The following NDE1 variants were observed in gnomAD, a reference collection of about 807,000 sequenced individuals.
NDE1 encodes nudE neurodevelopment protein 1.
Under a neutral mutation model 43.4 loss-of-function variants are expected in NDE1, and 28 were observed. That is an observed-to-expected ratio of 0.65 (90% CI 0.48 to 0.89). The LOEUF is 0.89. Among genes scored for constraint, NDE1 ranks in the 40% least tolerant of loss-of-function variants. NDE1 has a pLI of 0.00. For synonymous variants in NDE1, 184 were observed against 172.0 expected (o/e 1.07, Z -0.55); for missense variants, 441 against 434.1 (o/e 1.02, Z -0.14).
chr16:15,685,672 C>A (rs1489718951), intron 4 of NDE1, among the ~76,000 whole-genome samples: 1 of 152,108 alleles, frequency 6.6e-6, no homozygotes, highest in East Asian at 1.9e-4. Flanking sequence ...AATAAATGAA[C>A]TGATGCAGCC....
At chr16:15,678,901 C>G (rs1324401614) in intron 4 of NDE1, among the ~76,000 whole-genome samples, 2 of 151,898 alleles carry the variant, frequency 1.3e-5, no homozygotes, top group African/African-American at 2.4e-5. Flanking sequence ...ATGGTGAAAA[C>G]CCGTCTCTAC....
intron 3 of NDE1, among the ~76,000 whole-genome samples, chr16:15,672,180 A>G (rs1490518335): frequency 6.6e-6 from 1 of 151,962 alleles, no homozygotes; most frequent in Admixed American, 6.6e-5. Flanking sequence ...GATGCCTGTA[A>G]TGCCAGCACT....
rs371591343 is a variant in NDE1 at position 15,715,215 on chromosome 16, G to C, written c.948-8976G>C. 2.5e-6 allele frequency: 4 copies of C among 1,614,154 alleles called. No homozygotes were observed. In the African/African-American group the frequency reaches 4.0e-5, roughly 16 times the overall value. ...TGCGCTCGTCCTCCACCTGCAGCAAGATTTCCTTCAGCTTCTTGTCTTTCT... is the reference window on the plus strand; with the variant it reads ...TGCGCTCGTCCTCCACCTGCAGCAACATTTCCTTCAGCTTCTTGTCTTTCT... On this transcript the variant is annotated intron_variant, in intron 8 of 8. Transcript: ENST00000396354.
At chr16:15,691,943 G>GT (rs2038775411) in intron 6 of NDE1, among the ~76,000 whole-genome samples, 1 of 151,878 alleles carries the variant, frequency 6.6e-6, no homozygotes, top group South Asian at 2.1e-4. Flanking sequence ...AAATCCTCTT[G>GT]TTGAATATAA....
chr16:15,718,954 C>A (rs1054093965), intron 8 of NDE1: 11 of 476,254 alleles, frequency 2.3e-5, no homozygotes, highest in African/African-American at 3.9e-5. Flanking sequence ...ATGGTGAAAC[C>A]CCACCTCTAC....
chr16:15,721,368 A>T, intron 8 of NDE1: 11 of 1,574,430 alleles, frequency 7.0e-6, no homozygotes, highest in Non-Finnish European at 7.9e-6. Context: ...GGTGAATAGC[A>T]CAGAGGGTGG....
intron 4 of NDE1, chr16:15,686,542 A>G (rs374977475): frequency 3.0e-5 from 30 of 985,132 alleles, no homozygotes; most frequent in African/African-American, 5.2e-5. Context: ...GCCTGGCACA[A>G]TGCCTCATGC....
chr16:15,703,355 T>C (rs529489036), intron 8 of NDE1: 243 of 234,256 alleles, frequency 1.0e-3, no homozygotes, highest in African/African-American at 5.1e-3. Flanking sequence ...GGTTTGCAGG[T>C]TAGGGAATGA....
At chr16:15,694,931 G>C in intron 7 of NDE1, 2 of 981,358 alleles carry the variant, frequency 2.0e-6, no homozygotes, top group Non-Finnish European at 2.4e-6. Flanking sequence ...CAGTGCTTTG[G>C]GAGGCCAAGG....
At chr16:15,707,786 A>C (rs1279293525) in intron 8 of NDE1, among the ~76,000 whole-genome samples, 1 of 152,190 alleles carries the variant, frequency 6.6e-6, no homozygotes, top group Non-Finnish European at 1.5e-5. Flanking sequence ...AGCCTGGCCA[A>C]CATGGTGATA....
At chr16:15,693,865 G>A (rs1441480799) in intron 6 of NDE1, among the ~76,000 whole-genome samples, 1 of 152,144 alleles carries the variant, frequency 6.6e-6, no homozygotes, top group Non-Finnish European at 1.5e-5. Context: ...GCTTGAACCT[G>A]GGAGGCGGAG....
chr16:15,704,347 T>C (rs750533405), intron 8 of NDE1, among the ~76,000 whole-genome samples: 6 of 152,122 alleles, frequency 3.9e-5, no homozygotes, highest in Non-Finnish European at 7.3e-5. Context: ...TCAGCTGAAA[T>C]TGGTTGCGGG....
Position 15,725,138 on chromosome 16 carries a change from A to G in NDE1, c.*887A>G, listed in dbSNP as rs944950443. 5 of 661,818 alleles carry G rather than the reference A, an allele frequency of 7.6e-6. No individual in the cohort carries two copies. The African/African-American group carries it at 9.3e-5, about 12-fold the overall frequency. The allele number at this position is 661,818 out of a possible 1,614,324, so 41.0% of individuals were successfully genotyped here. ...CCGTGAGGTATGGGACTCTGATAAAAAAAAAAAAAAACACACACACACACA... is the reference window on the plus strand; with the variant it reads ...CCGTGAGGTATGGGACTCTGATAAAGAAAAAAAAAAACACACACACACACA... On this transcript the variant is annotated 3_prime_UTR_variant, in exon 9 of 9. Coordinates refer to ENST00000396354, the MANE Select transcript of NDE1 (RefSeq NM_017668.3).
chr16:15,680,279 C>G (rs1009805460), intron 4 of NDE1, among the ~76,000 whole-genome samples: 2 of 151,976 alleles, frequency 1.3e-5, no homozygotes, highest in Non-Finnish European at 2.9e-5. Context: ...TGGGAAGATA[C>G]TATATTCAGA....
At chr16:15,694,354 T>C in intron 7 of NDE1, 98 bp downstream of exon 7, 2 of 1,499,868 alleles carry the variant, frequency 1.3e-6, no homozygotes. Flanking sequence ...TCTTTTTTTC[T>C]TTTTTTTTAG....
In NDE1 at chr16:15,708,292, G is replaced by A. The variant is rs114726902; in HGVS notation, c.947+11432G>A. On this transcript the variant is annotated intron_variant, in intron 8 of 8. Coordinates refer to ENST00000396354, the MANE Select transcript of NDE1 (RefSeq NM_017668.3). The stretch of plus-strand genomic sequence containing the variant: ...GAATCATGGGAGGACTGGTTGCCGC[G>A]CCGCAGTTACCGTGAACTTTGTGAT... Among the ~76,000 whole-genome samples the A allele has an allele frequency of 5.9e-3, 893 of 152,280 alleles. 1 individual carries two copies. The highest frequency in any genetic ancestry group is 0.014 in the African/African-American group (570 of 41,548).
chr16:15,661,757 C>T (rs2037056591), intron 1 of NDE1, among the ~76,000 whole-genome samples: 1 of 151,968 alleles, frequency 6.6e-6, no homozygotes, highest in Admixed American at 6.6e-5. Flanking sequence ...TTCTGGAAGT[C>T]TTTATCTCTG....
At chr16:15,693,944 A>G (rs1241009740) in intron 6 of NDE1, among the ~76,000 whole-genome samples, 3 of 152,328 alleles carry the variant, frequency 2.0e-5, no homozygotes, top group African/African-American at 7.2e-5. Flanking sequence ...ACATGTAAAA[A>G]TAAGTATTTG....
At chr16:15,689,200 A>G (rs543632731) in intron 5 of NDE1, among the ~76,000 whole-genome samples, 37 of 152,328 alleles carry the variant, frequency 2.4e-4, no homozygotes, top group African/African-American at 8.7e-4. Flanking sequence ...TGGTAGAAAG[A>G]TTGCCAAGGC....
Sources: gnomAD v4.1 joint callset for allele counts (sites outside exome capture counted in the v4.1 genomes callset) on GRCh38, gnomAD v4.1.1 for gene constraint, MANE v1.5 for transcripts, NCBI Gene and HGNC (gene_info 2026-07-23, HGNC 2026-07-21) for gene names.